MAP2K4: variants seen among roughly 807,000 people sequenced by gnomAD.
MAP2K4 encodes the protein mitogen-activated protein kinase kinase 4.
MAP2K4 carries 4 observed loss-of-function variants against 48.5 expected under a neutral mutation model. That is an observed-to-expected ratio of 0.08 (90% CI 0.04 to 0.19). MAP2K4 has a LOEUF of 0.19. Ranked by LOEUF, MAP2K4 falls within the 10% of genes least tolerant of loss-of-function variation. The pLI is 1.00. For missense variants in MAP2K4, 258 were observed against 493.3 expected (o/e 0.52, Z 4.52); for synonymous variants, 166 against 173.1 (o/e 0.96, Z 0.32).
chr17:12,099,898 A>G (rs1971880826), intron 4 of MAP2K4, among the ~76,000 whole-genome samples: 1 of 152,208 alleles, frequency 6.6e-6, no homozygotes. Flanking sequence ...AATAAATTCT[A>G]GTGCAGAAAG....
In MAP2K4 at chr17:12,098,943, T is replaced by A. The variant is rs536489324; in HGVS notation, c.513+3249T>A. The stretch of plus-strand genomic sequence containing the variant: ...TTAAGGGGTACAAGTGCAGTTTTTT[T>A]ATATGAATATATTGAGTAGTGGTAC... On this transcript the variant is annotated intron_variant, in intron 4 of 10. Transcript: ENST00000353533. 5.6e-4 allele frequency among the ~76,000 whole-genome samples: 85 copies of A among 152,272 alleles called. No individual in the cohort carries two copies. The South Asian group carries it at 0.017, about 30-fold the overall frequency.
intron 4 of MAP2K4, among the ~76,000 whole-genome samples, chr17:12,098,870 AT>A (rs1971842689): frequency 6.6e-6 from 1 of 152,100 alleles, no homozygotes; most frequent in African/African-American, 2.4e-5. Context: ...TCCTTTTCTC[AT>A]TCTTGCAGCA....
chr17:12,068,451 G>T (rs1970683541), intron 2 of MAP2K4, among the ~76,000 whole-genome samples: 1 of 152,176 alleles, frequency 6.6e-6, no homozygotes, highest in Non-Finnish European at 1.5e-5. Flanking sequence ...CACCTATCAT[G>T]ACTTCAATAG....
At chr17:12,134,093 C>T (rs1161336070) in intron 9 of MAP2K4, among the ~76,000 whole-genome samples, 1 of 152,108 alleles carries the variant, frequency 6.6e-6, no homozygotes, top group Non-Finnish European at 1.5e-5. Context: ...AAATTAAATC[C>T]CTATAGTAGG....
chr17:12,065,687 C>T (rs1049294119), intron 2 of MAP2K4, among the ~76,000 whole-genome samples: 3 of 152,206 alleles, frequency 2.0e-5, no homozygotes, highest in South Asian at 4.1e-4. Flanking sequence ...CTGTCTGACT[C>T]GCCTCCCACA....
chr17:12,112,521 AC>A (rs1436086930), intron 6 of MAP2K4, among the ~76,000 whole-genome samples: 1 of 144,498 alleles, frequency 6.9e-6, no homozygotes, highest in African/African-American at 2.5e-5. Flanking sequence ...TGATAGGCCC[AC>A]AGCTGTTTCG....
At chr17:12,067,473 T>G (rs1173934897) in intron 2 of MAP2K4, among the ~76,000 whole-genome samples, 1 of 152,166 alleles carries the variant, frequency 6.6e-6, no homozygotes, top group African/African-American at 2.4e-5. Flanking sequence ...CTCCAGACAT[T>G]ACCAAATGAA....
intron 2 of MAP2K4, among the ~76,000 whole-genome samples, chr17:12,069,418 A>G (rs1970715820): frequency 6.6e-6 from 1 of 152,160 alleles, no homozygotes; most frequent in Non-Finnish European, 1.5e-5. Flanking sequence ...GTCAATAGCA[A>G]CATGATGCAA....
intron 2 of MAP2K4, among the ~76,000 whole-genome samples, chr17:12,080,915 G>C (rs8069300): frequency 0.46 from 69,663 of 152,028 alleles, 16,851 homozygotes; most frequent in East Asian, 0.56. Flanking sequence ...ACTAACTGAA[G>C]ATTGAGGCAC....
At chr17:12,022,301 G>A (rs1969106505) in intron 1 of MAP2K4, among the ~76,000 whole-genome samples, 1 of 152,144 alleles carries the variant, frequency 6.6e-6, no homozygotes, top group Admixed American at 6.5e-5. Context: ...ATATAGACAG[G>A]ATGATGTCAG....
chr17:12,038,547 TAAG>T (rs1969675196), intron 1 of MAP2K4, among the ~76,000 whole-genome samples: 1 of 152,156 alleles, frequency 6.6e-6, no homozygotes, highest in African/African-American at 2.4e-5. Context: ...TTACCAATGA[TAAG>T]AAGCACTGGG....
rs76633281 is a variant in MAP2K4 at position 12,115,878 on chromosome 17, T to C, written c.813+2518T>C. On this transcript the variant is annotated intron_variant, in intron 7 of 10. Coordinates refer to ENST00000353533, the MANE Select transcript of MAP2K4 (RefSeq NM_003010.4). ...TACTGCATCGTCGGCACCTTTGGAC[T>C]GTGTATTGGACCTCCTAGTCCAGCC... is the stretch of plus-strand genomic sequence containing the variant. The C allele has an allele frequency of 3.9e-4, 249 of 646,496 alleles. No individual in the cohort carries two copies. The African/African-American group carries it at 4.1e-3, about 11-fold the overall frequency. The allele number at this position is 646,496 out of a possible 1,614,324, so 40.0% of individuals were successfully genotyped here.
chr17:12,065,944 C>T (rs1172471052), intron 2 of MAP2K4, among the ~76,000 whole-genome samples: 5 of 152,110 alleles, frequency 3.3e-5, no homozygotes, highest in African/African-American at 4.8e-5. Context: ...TTTCCCCTTT[C>T]ATAATGTTTG....
At chr17:12,099,342 C>T (rs1274991043) in intron 4 of MAP2K4, among the ~76,000 whole-genome samples, 1 of 151,904 alleles carries the variant, frequency 6.6e-6, no homozygotes, top group Admixed American at 6.6e-5. Flanking sequence ...CATAGTGCTG[C>T]CATAAGCATA....
intron 1 of MAP2K4, among the ~76,000 whole-genome samples, chr17:12,045,353 A>G (rs920223707): frequency 6.6e-6 from 1 of 152,190 alleles, no homozygotes; most frequent in Non-Finnish European, 1.5e-5. Flanking sequence ...AGCAGGAAAA[A>G]TAAATGTGAT....
At chr17:12,080,484 G>A (rs1971154712) in intron 2 of MAP2K4, among the ~76,000 whole-genome samples, 1 of 152,082 alleles carries the variant, frequency 6.6e-6, no homozygotes, top group Non-Finnish European at 1.5e-5. Flanking sequence ...ATGGTTAGAA[G>A]TTATTAATAC....
rs1035465061 is a variant in MAP2K4, at chr17:12,113,439, A to G, written c.813+79A>G. 6.3e-5 allele frequency: 96 copies of G among 1,514,530 alleles called. No homozygotes were observed. The East Asian group carries it at 2.0e-3, about 32-fold the overall frequency. 93.8% of individuals were successfully genotyped at this position (1,514,530 alleles called of 1,614,324 possible). ...TGCTCTTTTGTGCTGGCCATTAGTC[A>G]TACGGTTTTACCATGAAACTGCTAG... is the stretch of plus-strand genomic sequence containing the variant. On this transcript the variant is annotated intron_variant, in intron 7 of 10. Transcript: ENST00000353533.
At position 12,139,890 on chromosome 17, in the gene MAP2K4, T is replaced by C; in HGVS notation, c.1086+6T>C. On this transcript the variant is annotated splice_donor_region_variant and intron_variant, in intron 10 of 10. Transcript: ENST00000353533. The stretch of plus-strand genomic sequence containing the variant: ...CAAAGTATAAAGAGCTTCTGGTGAG[T>C]GTGGGACTGTGGGGATTGTAGGTAC... 3 of 1,587,666 alleles carry C rather than the reference T, an allele frequency of 1.9e-6. No homozygotes were observed. Among genetic ancestry groups the C allele is most frequent in the Non-Finnish European group, 2.6e-6 (3 of 1,164,682 alleles).
Position 12,142,413 on chromosome 17 carries a change from C to A in MAP2K4, c.*1153C>A. The A allele has an allele frequency of 8.6e-6, 2 of 233,060 alleles. No homozygotes were observed. The highest frequency in any genetic ancestry group is 1.7e-5 in the Non-Finnish European group (2 of 117,898). 14.4% of individuals were successfully genotyped at this position (233,060 alleles called of 1,614,324 possible). ...TGTCGCTATGTGACTTGCGCTTAATCCAATATTTTGCCTTTTTTCTATATC... is the reference window on the plus strand; with the variant it reads ...TGTCGCTATGTGACTTGCGCTTAATACAATATTTTGCCTTTTTTCTATATC... On this transcript the variant is annotated 3_prime_UTR_variant, in exon 11 of 11. Transcript: ENST00000353533.
Sources: gnomAD v4.1 joint callset for allele counts (sites outside exome capture counted in the v4.1 genomes callset) on GRCh38, gnomAD v4.1.1 for gene constraint, MANE v1.5 for transcripts, NCBI Gene and HGNC (gene_info 2026-07-23, HGNC 2026-07-21) for gene names.